GPR39: variants seen among roughly 807,000 people sequenced by gnomAD.
The protein encoded by GPR39 is zinc sensing receptor.
Under a neutral mutation model 18.4 loss-of-function variants are expected in GPR39, and 23 were observed. The observed-to-expected ratio is 1.25, with a 90% CI of 0.90 to 1.77. The LOEUF (loss-of-function observed/expected upper bound fraction) is 1.77. GPR39 is among the 40% of genes most tolerant of loss of function. The pLI, the probability that GPR39 is intolerant of heterozygous loss-of-function variation, is 0.00. For synonymous variants in GPR39, 280 were observed against 257.9 expected (o/e 1.09, Z -0.82); for missense variants, 647 against 602.4 (o/e 1.07, Z -0.78).
chr2:132,503,793 G>A (rs896911231), intron 1 of GPR39, among the ~76,000 whole-genome samples: 11 of 152,188 alleles, frequency 7.2e-5, no homozygotes, highest in African/African-American at 2.7e-4. Flanking sequence ...GGGGATGGGG[G>A]TGTGGTTCCC....
At chr2:132,542,534 T>G (rs1470782879) in intron 1 of GPR39, among the ~76,000 whole-genome samples, 1 of 152,148 alleles carries the variant, frequency 6.6e-6, no homozygotes, top group Non-Finnish European at 1.5e-5. Context: ...AAGGAGAACC[T>G]CCTATCATAG....
chr2:132,514,345 A>G (rs1017636711), intron 1 of GPR39, among the ~76,000 whole-genome samples: 6 of 152,044 alleles, frequency 3.9e-5, no homozygotes, highest in Non-Finnish European at 8.8e-5. Flanking sequence ...ACTGCCTGCC[A>G]CTGTACACCC....
At chr2:132,515,133 G>A (rs573532990) in intron 1 of GPR39, among the ~76,000 whole-genome samples, 90 of 152,312 alleles carry the variant, frequency 5.9e-4, no homozygotes, top group Non-Finnish European at 2.4e-4. Flanking sequence ...TTACTTTGAC[G>A]TTAACCTGCC....
intron 1 of GPR39, among the ~76,000 whole-genome samples, chr2:132,541,152 C>T (rs552323890): frequency 2.2e-4 from 34 of 152,272 alleles, no homozygotes; most frequent in African/African-American, 7.2e-4. Context: ...GGCACAATCT[C>T]GGCTCACTGC....
chr2:132,563,842 C>T (rs558286011), intron 1 of GPR39, among the ~76,000 whole-genome samples: 1 of 143,596 alleles, frequency 7.0e-6, no homozygotes, highest in South Asian at 2.2e-4. Context: ...GCTCCTCTAA[C>T]TTACTGGTTC....
intron 1 of GPR39, among the ~76,000 whole-genome samples, chr2:132,635,399 C>A (rs1177275317): frequency 2.6e-5 from 4 of 152,186 alleles, no homozygotes; most frequent in Admixed American, 1.3e-4. Flanking sequence ...AATGAACATT[C>A]TTGGTGAACT....
intron 1 of GPR39, among the ~76,000 whole-genome samples, chr2:132,627,098 T>TC (rs1321220272): frequency 1.1e-4 from 17 of 151,132 alleles, no homozygotes; most frequent in Admixed American, 6.6e-5. Flanking sequence ...TTTTTTTTTT[T>TC]CCAGCAGATG....
At chr2:132,570,458 C>G (rs1680423310) in intron 1 of GPR39, among the ~76,000 whole-genome samples, 1 of 152,150 alleles carries the variant, frequency 6.6e-6, no homozygotes, top group Non-Finnish European at 1.5e-5. Flanking sequence ...CCATATCCCC[C>G]TCCTGCCTTT....
At chr2:132,613,048 T>A (rs57213001) in intron 1 of GPR39, among the ~76,000 whole-genome samples, 1 of 152,202 alleles carries the variant, frequency 6.6e-6, no homozygotes, top group South Asian at 2.1e-4. Flanking sequence ...TATCCATATT[T>A]TAAAATGCTA....
chr2:132,454,666 A>G (rs1201103106), intron 1 of GPR39, among the ~76,000 whole-genome samples: 1 of 152,126 alleles, frequency 6.6e-6, no homozygotes, highest in African/African-American at 2.4e-5. Flanking sequence ...ATCAATACCT[A>G]GTTTATTGAG....
chr2:132,499,390 G>T (rs1681710389), intron 1 of GPR39, among the ~76,000 whole-genome samples: 2 of 151,970 alleles, frequency 1.3e-5, no homozygotes, highest in African/African-American at 4.8e-5. Context: ...TTGATTTCTG[G>T]GTTCTGTTCC....
chr2:132,620,675 C>A (rs76576388), intron 1 of GPR39, among the ~76,000 whole-genome samples: 2 of 152,210 alleles, frequency 1.3e-5, no homozygotes, highest in East Asian at 3.9e-4. Context: ...CACTTCCCCT[C>A]GCCTCTCTGT....
chr2:132,602,882 A>AAC (rs939202566), intron 1 of GPR39, among the ~76,000 whole-genome samples: 1 of 151,602 alleles, frequency 6.6e-6, no homozygotes. Context: ...AAAAAAAAAA[A>AAC]AAACAAATGC....
At chr2:132,480,422 A>G (rs1306841808) in intron 1 of GPR39, among the ~76,000 whole-genome samples, 1 of 152,220 alleles carries the variant, frequency 6.6e-6, no homozygotes, top group Non-Finnish European at 1.5e-5. Flanking sequence ...GTGGGCTTTC[A>G]AAACCATAAT....
intron 1 of GPR39, among the ~76,000 whole-genome samples, chr2:132,573,056 A>G (rs912984877): frequency 6.6e-6 from 1 of 152,134 alleles, no homozygotes; most frequent in Non-Finnish European, 1.5e-5. Flanking sequence ...CCCAATGGCC[A>G]TGGGCTGTAT....
chr2:132,453,035 A>T (rs946307958), intron 1 of GPR39, among the ~76,000 whole-genome samples: 11 of 152,166 alleles, frequency 7.2e-5, no homozygotes, highest in Non-Finnish European at 1.5e-4. Context: ...TTCTAGTTCT[A>T]CATCCTTGAG....
At chr2:132,607,904 TATC>T (rs1681169400) in intron 1 of GPR39, among the ~76,000 whole-genome samples, 1 of 152,214 alleles carries the variant, frequency 6.6e-6, no homozygotes, top group Non-Finnish European at 1.5e-5. Context: ...GTGAGGATCT[TATC>T]ATAGTGTGCA....
intron 1 of GPR39, among the ~76,000 whole-genome samples, chr2:132,534,757 C>G (rs908399255): frequency 7.9e-5 from 12 of 152,018 alleles, no homozygotes; most frequent in African/African-American, 2.9e-4. Context: ...CTAAACACCA[C>G]ATTTTCTCAC....
intron 1 of GPR39, among the ~76,000 whole-genome samples, chr2:132,607,409 G>A (rs1438162606): frequency 6.6e-6 from 1 of 152,160 alleles, no homozygotes; most frequent in Non-Finnish European, 1.5e-5. Flanking sequence ...AGAGTTAGAG[G>A]GAGGAGAGTA....
Sources: allele counts gnomAD v4.1 joint callset (sites outside exome capture counted in the v4.1 genomes callset), GRCh38; gene constraint gnomAD v4.1.1; transcripts MANE v1.5; gene names NCBI Gene and HGNC (gene_info 2026-07-23, HGNC 2026-07-21).